The following TOMM70 variants were observed in gnomAD, a reference collection of about 807,000 sequenced individuals.
TOMM70 encodes translocase of outer mitochondrial membrane 70, also known as mitochondrial import receptor subunit TOM70.
TOMM70 carries 13 observed loss-of-function variants against 73.6 expected under a neutral mutation model. That is an observed-to-expected ratio of 0.18 (90% CI 0.11 to 0.28). TOMM70 has a LOEUF of 0.28. TOMM70 is among the 10% of genes least tolerant of loss of function. The pLI is 1.00. For missense variants in TOMM70, 609 were observed against 747.5 expected, an observed-to-expected ratio of 0.81 and a Z score of 2.16; for synonymous variants, 257 against 271.2, an observed-to-expected ratio of 0.95 and a Z score of 0.51.
chr3:100,373,231 A>G (rs141059358), intron 8 of TOMM70, among the ~76,000 whole-genome samples: 31 of 151,632 alleles, frequency 2.0e-4, no homozygotes, highest in African/African-American at 7.0e-4. Flanking sequence ...AGCAAGTTAC[A>G]TGGTGTCATG....
intron 4 of TOMM70, 46 bp from the exon 5 acceptor site, chr3:100,381,809 C>G: frequency 6.5e-7 from 1 of 1,531,556 alleles, no homozygotes; most frequent in East Asian, 2.4e-5. Context: ...GAAATACCAA[C>G]CAAAGAAGCA....
At chr3:100,394,317 T>G (rs764009999) in intron 1 of TOMM70, among the ~76,000 whole-genome samples, 12 of 152,114 alleles carry the variant, frequency 7.9e-5, no homozygotes, top group Non-Finnish European at 1.6e-4. Context: ...GAACACTTAC[T>G]GTATGAGAAA....
At chr3:100,384,281 A>T (rs1706666986) in intron 4 of TOMM70, among the ~76,000 whole-genome samples, 198 bp downstream of exon 4, 1 of 152,256 alleles carries the variant, frequency 6.6e-6, no homozygotes, top group Non-Finnish European at 1.5e-5. Flanking sequence ...CTCCAGGTAG[A>T]GTAATGGACA....
chr3:100,381,805 C>G (rs763545812), intron 4 of TOMM70, 42 bp from the exon 5 acceptor site: 2 of 1,537,556 alleles, frequency 1.3e-6, no homozygotes, highest in Non-Finnish European at 1.8e-6. Flanking sequence ...ATGGGAAATA[C>G]CAACCAAAGA....
At chr3:100,387,783 G>C (rs536469212) in intron 1 of TOMM70, among the ~76,000 whole-genome samples, 18 of 151,990 alleles carry the variant, frequency 1.2e-4, no homozygotes, top group African/African-American at 4.3e-4. Flanking sequence ...CTACCAGCGT[G>C]CACTACCACA....
In TOMM70 at chr3:100,394,432, C is replaced by G. The variant is rs568571313; in HGVS notation, c.324+6194G>C. On this transcript the variant is annotated intron_variant, in intron 1 of 11. Transcript: ENST00000284320. ...GGGGCACGATGTCCACTCACTGCAACCTAAATAACTCTGGAACACTTACTG... is the reference window on the plus strand; with the variant it reads ...GGGGCACGATGTCCACTCACTGCAAGCTAAATAACTCTGGAACACTTACTG... 1.7e-4 allele frequency among the ~76,000 whole-genome samples: 26 copies of G among 149,068 alleles called. No individual in the cohort carries two copies. In the South Asian group the frequency reaches 4.1e-3, roughly 23 times the overall value.
chr3:100,364,709 T>C lies in TOMM70; in HGVS notation c.*855A>G, dbSNP rs1436120484. 4 of 152,140 alleles carry C rather than the reference T, an allele frequency of 2.6e-5. No individual in the cohort carries two copies. Among genetic ancestry groups the C allele is most frequent in the Non-Finnish European group, 5.9e-5 (4 of 68,036 alleles). The allele number at this position is 152,140 out of a possible 1,614,324, so 9.4% of individuals were successfully genotyped here. ...CTAGTAGCTGAGACTATAAATAGTA[T>C]ATACAGTGCCACTGTACCCTCTATC... On this transcript the variant is annotated 3_prime_UTR_variant, in exon 12 of 12. Transcript: ENST00000284320.
intron 1 of TOMM70, among the ~76,000 whole-genome samples, chr3:100,395,539 A>G (rs1576219413): frequency 7.8e-6 from 1 of 127,674 alleles, no homozygotes; most frequent in Admixed American, 7.6e-5. Flanking sequence ...CGCGACTCCA[A>G]CTCAAAAAAA....
chr3:100,399,601 A>C (rs1194619809), intron 1 of TOMM70, among the ~76,000 whole-genome samples: 3 of 152,206 alleles, frequency 2.0e-5, no homozygotes, highest in Non-Finnish European at 4.4e-5. Flanking sequence ...CAGTTCACTA[A>C]ATAATCCAAT....
At chr3:100,393,501 T>C (rs1212532785) in intron 1 of TOMM70, among the ~76,000 whole-genome samples, 1 of 152,124 alleles carries the variant, frequency 6.6e-6, no homozygotes, top group Non-Finnish European at 1.5e-5. Flanking sequence ...TTGGGTACAA[T>C]GTACACTTGG....
In TOMM70 at chr3:100,400,853, T is replaced by C. The variant is rs546607944; in HGVS notation, c.97A>G (p.Thr33Ala). ...VGGGGTAGPG[T>A]GGLPRWQLAL... ...AGCTGCCATCGCGGCAGCCCCCCCG[T>C]GCCCGGGCCCGCAGTCCCGCCGCCG... The change falls in exon 1 of 12, where the codon ACG becomes GCG. Residue 33 changes from threonine (T) to alanine (A), a missense_variant. Physicochemically the swap from Thr to Ala is moderately conservative, Grantham distance 58 (BLOSUM62 0). Transcript: ENST00000284320. The C allele has an allele frequency of 2.9e-4, 435 of 1,524,978 alleles. 1 individual carries two copies. In the Middle Eastern group the frequency reaches 5.3e-3, roughly 19 times the overall value. The allele number at this position is 1,524,978 out of a possible 1,614,324, so 94.5% of individuals were successfully genotyped here.
chr3:100,386,062 A>G (rs1706688558), intron 3 of TOMM70, among the ~76,000 whole-genome samples, 156 bp downstream of exon 3: 1 of 152,194 alleles, frequency 6.6e-6, no homozygotes, highest in Non-Finnish European at 1.5e-5. Context: ...AGTATCAGCA[A>G]TCTTACTTTA....
Position 100,373,495 on chromosome 3 carries a change from TAAAAGTGATGTTTAGGAAAATACAAAA to T in TOMM70, c.1335+16_1335+42del. Reference sequence around the variant, plus strand: ...ACTCATTTTTGTTGACGCTGGAAAATAAAAGTGATGTTTAGGAAAATACAAAAGAAAGTAGTACCTACCAATGCAAAA... The same window carrying T: ...ACTCATTTTTGTTGACGCTGGAAAATGAAAGTAGTACCTACCAATGCAAAA... On this transcript the variant is annotated intron_variant, in intron 8 of 11. Transcript: ENST00000284320. 6.8e-7 allele frequency: 1 copy of T among 1,480,118 alleles called. No homozygotes were observed. Among genetic ancestry groups the T allele is most frequent in the South Asian group, 1.3e-5 (1 of 79,702 alleles). The allele number at this position is 1,480,118 out of a possible 1,614,324, so 91.7% of individuals were successfully genotyped here.
intron 1 of TOMM70, among the ~76,000 whole-genome samples, chr3:100,396,005 T>C (rs944414486): frequency 1.4e-5 from 2 of 139,480 alleles, no homozygotes; most frequent in Non-Finnish European, 1.5e-5. Context: ...TCCATGAGGC[T>C]GGTATCAGGT....
chr3:100,395,098 G>A (rs995813596), intron 1 of TOMM70, among the ~76,000 whole-genome samples: 3 of 152,116 alleles, frequency 2.0e-5, no homozygotes, highest in African/African-American at 2.4e-5. Flanking sequence ...GGCCAGGCGC[G>A]GTGGCTCACG....
chr3:100,388,385 G>A (rs1337204966), intron 1 of TOMM70, among the ~76,000 whole-genome samples: 1 of 152,176 alleles, frequency 6.6e-6, no homozygotes, highest in Non-Finnish European at 1.5e-5. Context: ...TCACATTAGA[G>A]TAGGGCTGTG....
In TOMM70 at chr3:100,377,932, T is replaced by C. The variant is rs1435955837; in HGVS notation, c.885-20A>G. The C allele has an allele frequency of 3.8e-6, 6 of 1,594,394 alleles. No individual in the cohort carries two copies. The South Asian group carries it at 5.5e-5, about 15-fold the overall frequency. On this transcript the variant is annotated intron_variant, in intron 5 of 11. Coordinates refer to ENST00000284320, the MANE Select transcript of TOMM70 (RefSeq NM_014820.5). ...CCAGAACTGAAAATAAAAACAAACA[T>C]AGGAAATTATTTACTAAGAAAAAAT...
chr3:100,400,488 A>G, intron 1 of TOMM70, 138 bp downstream of exon 1: 1 of 914,014 alleles, frequency 1.1e-6, no homozygotes, highest in Non-Finnish European at 1.7e-6. Flanking sequence ...GCAGCCAGAA[A>G]TGAGTCTCCC....
Position 100,365,451 on chromosome 3 carries a change from C to A in TOMM70, c.*113G>T. 1 of 1,451,828 alleles carries A rather than the reference C, an allele frequency of 6.9e-7. No individual in the cohort carries two copies. Among genetic ancestry groups the A allele is most frequent in the Non-Finnish European group, 9.3e-7 (1 of 1,073,526 alleles). 89.9% of individuals were successfully genotyped at this position (1,451,828 alleles called of 1,614,324 possible). A position where few individuals can be genotyped will look rare whatever the true frequency, so the allele number is the denominator to read the frequency against. ...ACAGATGTAACAAATAACAACACCA[C>A]AAACAGAAATACTGATTTCCACCAT... On this transcript the variant is annotated 3_prime_UTR_variant, in exon 12 of 12. Transcript: ENST00000284320.
Sources: gnomAD v4.1 joint callset for allele counts (sites outside exome capture counted in the v4.1 genomes callset) on GRCh38, gnomAD v4.1.1 for gene constraint, MANE v1.5 for transcripts, NCBI Gene and HGNC (gene_info 2026-07-23, HGNC 2026-07-21) for gene names.